Variants in SETD5 observed in about 807,000 individuals in gnomAD.
SETD5 encodes histone-lysine N-methyltransferase SETD5.
In SETD5, 44 loss-of-function variants were observed where a neutral mutation model predicts 153.3. The observed-to-expected ratio is 0.29, with a 90% confidence interval of 0.23 to 0.37. SETD5 has a LOEUF of 0.37. Among genes scored for constraint, SETD5 ranks in the 10% least tolerant of loss-of-function variants. The pLI is 1.00. For missense variants in SETD5, 1,544 were observed against 1,768.0 expected (o/e 0.87, Z 2.27); for synonymous variants, 716 against 645.2 (o/e 1.11, Z -1.66).
rs115997859 is a variant in SETD5 at position 9,466,854 on chromosome 3, A to G, written c.2724+2182A>G. Among the ~76,000 whole-genome samples, 235 of 152,216 alleles carry G rather than the reference A, an allele frequency of 1.5e-3. 1 individual carries two copies. The highest frequency in any genetic ancestry group is 5.5e-3 in the African/African-American group (227 of 41,532). The stretch of plus-strand genomic sequence containing the variant: ...AGCCTGGGTAACATCGTGAGACCAC[A>G]TTTCTGCAAAAATAAAATACAAAAC... On this transcript the variant is annotated intron_variant, in intron 18 of 22. Coordinates refer to ENST00000402198, the MANE Select transcript of SETD5 (RefSeq NM_001080517.3).
At chr3:9,398,047 C>G (rs1241747016) in intron 1 of SETD5, 70 bp downstream of exon 1, 1 of 152,104 alleles carries the variant, frequency 6.6e-6, no homozygotes, top group Admixed American at 6.6e-5. Context: ...TCACCTCCTC[C>G]GTCTCCCCGC....
intron 1 of SETD5, among the ~76,000 whole-genome samples, chr3:9,412,027 T>C (rs1367467033): frequency 2.0e-5 from 3 of 152,124 alleles, no homozygotes; most frequent in Non-Finnish European, 4.4e-5. Context: ...GATCCTGAAA[T>C]TGTATTATTT....
At chr3:9,455,665 GT>G (rs57249195) in intron 17 of SETD5, among the ~76,000 whole-genome samples, 36,856 of 152,010 alleles carry the variant, frequency 0.24, 6,315 homozygotes, top group African/African-American at 0.49. Context: ...CTTTTAAGGT[GT>G]TAGTAAGAAT....
At chr3:9,467,366 A>T (rs1353218524) in intron 18 of SETD5, among the ~76,000 whole-genome samples, 1 of 152,082 alleles carries the variant, frequency 6.6e-6, no homozygotes, top group Non-Finnish European at 1.5e-5. Context: ...AGGAGGGGAA[A>T]GCATCTAGAA....
intron 11 of SETD5, 109 bp downstream of exon 11, chr3:9,443,526 A>T: frequency 1.7e-6 from 1 of 598,614 alleles, no homozygotes; most frequent in Admixed American, 4.0e-5. Flanking sequence ...TTGTTTACTT[A>T]ATCTTTTCAT....
At position 9,453,818 on chromosome 3, in the gene SETD5, A is replaced by G. The variant is rs1270531724; in HGVS notation, c.2426A>G (p.Tyr809Cys). Residue 809 changes from tyrosine to cysteine, a missense_variant, in exon 17 of 23, where the codon TAC (tyrosine) becomes TGC (cysteine). Transcript: ENST00000402198. ...CAAGAGACTAGAACTCAGCACCTAT[A>G]CCAAAGCAATGAGAATAGTAGCTCT... ...VPQETRTQHL[Y>C]QSNENSSSSS... 1.4e-5 allele frequency: 22 copies of G among 1,606,466 alleles called. No homozygotes were observed. The Admixed American group carries it at 3.8e-4, about 28-fold the overall frequency.
intron 1 of SETD5, among the ~76,000 whole-genome samples, chr3:9,410,318 T>G (rs1207567298): frequency 1.3e-5 from 2 of 152,220 alleles, no homozygotes; most frequent in African/African-American, 4.8e-5. Context: ...ATTACAGTCT[T>G]ATGGGATCAT....
At chr3:9,442,078 G>T in intron 9 of SETD5, 50 bp from the exon 10 acceptor site, 2 of 1,220,848 alleles carry the variant, frequency 1.6e-6, no homozygotes, top group Middle Eastern at 1.9e-4. Context: ...GTCATGGGGT[G>T]GCCTTCTTAT....
intron 1 of SETD5, among the ~76,000 whole-genome samples, chr3:9,417,764 C>G (rs1186454259): frequency 6.7e-6 from 1 of 150,358 alleles, no homozygotes; most frequent in Non-Finnish European, 1.5e-5. Context: ...GGATTATAGG[C>G]GGGATCCACT....
rs1399619333 is a variant in SETD5, at chr3:9,434,431, G to T, written c.275G>T (p.Trp92Leu). 1 of 1,613,806 alleles carries T rather than the reference G, an allele frequency of 6.2e-7. No individual in the cohort carries two copies. The highest frequency in any genetic ancestry group is 8.5e-7 in the Non-Finnish European group (1 of 1,179,876). Residue 92 changes from tryptophan (W) to leucine (L), a missense_variant, in exon 5 of 23, where the codon TGG becomes TTG. Around this residue, in one of 9 missense-constraint regions of SETD5, gnomAD observed 251 missense variants for 326.9 expected, o/e 0.77. Transcript: ENST00000402198. The surrounding 1 kb of genome is among the most constrained non-coding windows in gnomAD (Gnocchi z 5.6). ...TCTGAAGGAGAAACTGTACCTACCT[G>T]GTGTCCTTGTGGTCTTTCTCAGGAT... The part of the protein sequence containing the change: ...PNSEGETVPT[W>L]CPCGLSQDGF...
chr3:9,407,690 G>A (rs1216701147), intron 1 of SETD5, among the ~76,000 whole-genome samples: 1 of 152,156 alleles, frequency 6.6e-6, no homozygotes, highest in African/African-American at 2.4e-5. Context: ...AATATCTCTT[G>A]TGAAAATTAA....
chr3:9,425,965 T>G (rs2039133593), intron 2 of SETD5: 1 of 152,182 alleles, frequency 6.6e-6, no homozygotes, highest in Non-Finnish European at 1.5e-5. Context: ...CAGACAGCTT[T>G]GGGGCTTTTC....
intron 17 of SETD5, among the ~76,000 whole-genome samples, chr3:9,461,198 T>C (rs2043918355): frequency 6.6e-6 from 1 of 152,162 alleles, no homozygotes; most frequent in African/African-American, 2.4e-5. Context: ...TATATAGATA[T>C]TCTTTTGATT....
At chr3:9,412,405 T>TTTTTTTG in intron 1 of SETD5, among the ~76,000 whole-genome samples, 1 of 142,482 alleles carries the variant, frequency 7.0e-6, no homozygotes, top group Non-Finnish European at 1.5e-5. Context: ...TTTTTTTTTT[T>TTTTTTTG]TTTTTTTTTT....
Position 9,476,023 on chromosome 3 carries a change from G to A in SETD5, c.4261G>A (p.Gly1421Ser), listed in dbSNP as rs1315824315. 3.1e-6 allele frequency: 5 copies of A among 1,613,992 alleles called. No individual in the cohort carries two copies. Among genetic ancestry groups the A allele is most frequent in the Non-Finnish European group, 4.2e-6 (5 of 1,179,892 alleles). The change falls in exon 23 of 23, where the codon GGT (glycine) becomes AGT (serine). Residue 1421 changes from glycine to serine, a missense_variant. Gly to Ser is a moderately conservative substitution (Grantham distance 56, BLOSUM62 0). Around this residue, in one of 9 missense-constraint regions of SETD5, gnomAD observed 302 missense variants for 277.6 expected, o/e 1.09. Coordinates refer to ENST00000402198, the MANE Select transcript of SETD5 (RefSeq NM_001080517.3). Reference sequence around the variant, plus strand: ...GCACTACCCACACCGTGGGAGTGGGGGTGTGCACCAGTACCGACTCCAGCC... The same window carrying A: ...GCACTACCCACACCGTGGGAGTGGGAGTGTGCACCAGTACCGACTCCAGCC... ...SQHYPHRGSG[G>S]VHQYRLQPLQ...
chr3:9,440,769 T>C, intron 8 of SETD5, 71 bp downstream of exon 8: 1 of 1,504,288 alleles, frequency 6.6e-7, no homozygotes, highest in Non-Finnish European at 8.9e-7. Flanking sequence ...GGTAATGGAT[T>C]GGAATTACTG....
chr3:9,420,537 TG>T (rs1439323933), intron 1 of SETD5, among the ~76,000 whole-genome samples: 3 of 152,194 alleles, frequency 2.0e-5, no homozygotes, highest in African/African-American at 7.2e-5. Flanking sequence ...AAACTGGTAT[TG>T]TAGAAGAGAT....
chr3:9,440,941 G>A (rs528499545), intron 8 of SETD5, among the ~76,000 whole-genome samples: 83 of 152,226 alleles, frequency 5.5e-4, no homozygotes, highest in African/African-American at 1.9e-3. Context: ...GCAGTGCAGT[G>A]GCTCACTCCT....
chr3:9,471,112 C>T (rs188151904), intron 19 of SETD5, among the ~76,000 whole-genome samples, 183 bp downstream of exon 19: 30 of 152,196 alleles, frequency 2.0e-4, no homozygotes, highest in South Asian at 1.0e-3. Context: ...AAATATTCAG[C>T]AAATGTAAAT....
Sources: allele counts gnomAD v4.1 joint callset (sites outside exome capture counted in the v4.1 genomes callset), GRCh38; gene constraint gnomAD v4.1.1; regional missense constraint gnomAD v4.1.1; non-coding constraint Gnocchi (gnomAD v3.1); transcripts MANE v1.5; gene names NCBI Gene and HGNC (gene_info 2026-07-23, HGNC 2026-07-21).